The following MCCC2 variants were observed in gnomAD, a reference collection of about 807,000 sequenced individuals.
MCCC2 encodes the protein methylcrotonoyl-CoA carboxylase beta chain, mitochondrial.
MCCC2 carries 52 observed loss-of-function variants against 77.2 expected under a neutral mutation model. The ratio of observed to expected loss-of-function variants is 0.67; its 90% CI spans 0.54 to 0.85. MCCC2 has a LOEUF of 0.85. MCCC2 is among the 40% of genes least tolerant of loss of function. The pLI, the probability that MCCC2 is intolerant of heterozygous loss-of-function variation, is 0.00. For synonymous variants in MCCC2, 253 were observed against 248.4 expected (o/e 1.02, Z -0.18); for missense variants, 682 against 703.2 (o/e 0.97, Z 0.34).
Position 71,643,834 on chromosome 5 carries a change from T to C in MCCC2, c.1088T>C (p.Phe363Ser), listed in dbSNP as rs915555207. Residue 363 changes from phenylalanine (F) to serine (S), a missense_variant, in exon 12 of 17, where the codon TTT becomes TCT. By Grantham distance (155) the Phe-to-Ser change is radical. Transcript: ENST00000340941. The part of the protein sequence containing the change: ...DTLVTGFARI[F>S]GYPVGIVGNN... ...TTCTTTTGAGGATTTGCTCGAATATTTGGGTACCCAGTAGGTATCGTTGGA... is the reference window on the plus strand; with the variant it reads ...TTCTTTTGAGGATTTGCTCGAATATCTGGGTACCCAGTAGGTATCGTTGGA... 2 of 1,614,178 alleles carry C rather than the reference T, an allele frequency of 1.2e-6. No individual in the cohort carries two copies. The highest frequency in any genetic ancestry group is 2.2e-5 in the South Asian group (2 of 91,084).
chr5:71,596,231 C>A, intron 2 of MCCC2, 49 bp from the exon 3 acceptor site: 2 of 1,514,984 alleles, frequency 1.3e-6, no homozygotes, highest in Non-Finnish European at 1.8e-6. Context: ...GGCATTGAGA[C>A]CTTTTTATCG....
chr5:71,652,733 A>G lies in MCCC2; in HGVS notation c.1553A>G (p.Asn518Ser), dbSNP rs1747471598. 6.2e-7 allele frequency: 1 copy of G among 1,614,080 alleles called. No individual in the cohort carries two copies. The highest frequency in any genetic ancestry group is 8.5e-7 in the Non-Finnish European group (1 of 1,179,996). ...ATTAAGAAGTTTGAAGAGGAAGGAA[A>G]CCCTTACTATTCCAGCGCAAGGTGG... Reference protein sequence around the residue: ...PIIKKFEEEGNPYYSSARVWD... With the variant: ...PIIKKFEEEGSPYYSSARVWD... The change falls in exon 16 of 17, where the codon AAC becomes AGC. Residue 518 changes from asparagine (N) to serine (S), a missense_variant. Transcript: ENST00000340941.
intron 8 of MCCC2, among the ~76,000 whole-genome samples, chr5:71,634,700 G>C (rs564303941): frequency 6.6e-6 from 1 of 152,142 alleles, no homozygotes; most frequent in African/African-American, 2.4e-5. Context: ...TGTGGTCTTA[G>C]GTGAAGGTAC....
At chr5:71,594,459 C>T (rs973097408) in intron 2 of MCCC2, among the ~76,000 whole-genome samples, 14 of 146,904 alleles carry the variant, frequency 9.5e-5, no homozygotes, top group African/African-American at 3.0e-4. Context: ...ACCTGGGAGG[C>T]GGAGGTTGCA....
Position 71,599,695 on chromosome 5 carries a change from C to T in MCCC2, c.318C>T (p.Tyr106=). 6.2e-7 allele frequency: 1 copy of T among 1,614,084 alleles called. No homozygotes were observed. The highest frequency in any genetic ancestry group is 8.5e-7 in the Non-Finnish European group (1 of 1,180,000). ...TGGAATTATCCCAGTTTGCAGGTTA[C>T]CAGTTATATGACAATGAGGAGGTGC... is the stretch of plus-strand genomic sequence containing the variant. ...PFLELSQFAG[Y]QLYDNEEVPG... Residue 106 remains tyrosine (Y), a synonymous_variant, in exon 4 of 17, where the codon TAC becomes TAT. Coordinates refer to ENST00000340941, the MANE Select transcript of MCCC2 (RefSeq NM_022132.5).
chr5:71,612,711 C>T (rs902484008), intron 6 of MCCC2, among the ~76,000 whole-genome samples: 2 of 152,158 alleles, frequency 1.3e-5, no homozygotes, highest in Admixed American at 6.5e-5. Flanking sequence ...GCTGTTGTAA[C>T]AAATTATCAC....
intron 13 of MCCC2, among the ~76,000 whole-genome samples, chr5:71,648,312 C>T (rs975373194): frequency 6.6e-6 from 1 of 152,104 alleles, no homozygotes; most frequent in Non-Finnish European, 1.5e-5. Flanking sequence ...AAGCCCAACT[C>T]AGTGTTATAA....
intron 10 of MCCC2, among the ~76,000 whole-genome samples, chr5:71,639,945 A>G (rs904861036): frequency 2.0e-5 from 3 of 152,224 alleles, no homozygotes; most frequent in Non-Finnish European, 4.4e-5. Flanking sequence ...TTTGCATCAT[A>G]CAAAACAAGA....
rs757899172 is a variant in MCCC2, at chr5:71,599,787, T to G, written c.383+27T>G. 7 of 1,583,658 alleles carry G rather than the reference T, an allele frequency of 4.4e-6. No homozygotes were observed. The African/African-American group carries it at 9.4e-5, about 21-fold the overall frequency. ...TGAGTATTCTACTTGTGCTTCATAA[T>G]GTGGGTTGAGAAGAAGACTTTGATG... On this transcript the variant is annotated intron_variant, in intron 4 of 16. Coordinates refer to ENST00000340941, the MANE Select transcript of MCCC2 (RefSeq NM_022132.5).
Position 71,593,012 on chromosome 5 carries a change from C to T in MCCC2, c.196+20C>T, listed in dbSNP as rs766988420. On this transcript the variant is annotated intron_variant, in intron 2 of 16. Coordinates refer to ENST00000340941, the MANE Select transcript of MCCC2 (RefSeq NM_022132.5). ...AACTAGGTAAACACAGCATTTATTC[C>T]ACAGCTTATGCCTTTACTTAAGATG... 1.3e-5 allele frequency: 20 copies of T among 1,586,754 alleles called. 1 individual carries two copies. The East Asian group carries it at 2.7e-4, about 21-fold the overall frequency.
At chr5:71,608,998 A>G (rs1488065353) in intron 6 of MCCC2, among the ~76,000 whole-genome samples, 1 of 151,932 alleles carries the variant, frequency 6.6e-6, no homozygotes, top group African/African-American at 2.4e-5. Flanking sequence ...GCTGCCCTTA[A>G]CATTTTTTCC....
intron 5 of MCCC2, 139 bp from the exon 6 acceptor site, chr5:71,604,217 G>A: frequency 2.8e-6 from 2 of 725,512 alleles, no homozygotes; most frequent in Non-Finnish European, 4.9e-6. Flanking sequence ...GGAGAACGAG[G>A]CTCTATAACA....
chr5:71,622,352 A>G (rs972454269), intron 6 of MCCC2, among the ~76,000 whole-genome samples: 5 of 151,986 alleles, frequency 3.3e-5, no homozygotes, highest in Non-Finnish European at 5.9e-5. Flanking sequence ...AATAAAAACA[A>G]GATTTTGCCT....
At chr5:71,605,430 T>C (rs1228366613) in intron 6 of MCCC2, among the ~76,000 whole-genome samples, 2 of 152,066 alleles carry the variant, frequency 1.3e-5, no homozygotes, top group Admixed American at 6.6e-5. Flanking sequence ...GATGGGGTTG[T>C]TTGTTTTTTT....
chr5:71,650,053 C>T lies in MCCC2; in HGVS notation c.1374-16C>T. ...ATATTGACTTAATTTGTTTATTCTT[C>T]CTTTTCTTCCCCCAGCCCAAGATTT... On this transcript the variant is annotated splice_polypyrimidine_tract_variant and intron_variant, in intron 14 of 16. Coordinates refer to ENST00000340941, the MANE Select transcript of MCCC2 (RefSeq NM_022132.5). 6 of 1,595,966 alleles carry T rather than the reference C, an allele frequency of 3.8e-6. No homozygotes were observed. The highest frequency in any genetic ancestry group is 5.2e-6 in the Non-Finnish European group (6 of 1,163,522).
At chr5:71,621,977 C>T (rs1245507853) in intron 6 of MCCC2, among the ~76,000 whole-genome samples, 2 of 152,090 alleles carry the variant, frequency 1.3e-5, no homozygotes, top group Non-Finnish European at 2.9e-5. Context: ...TCTCACATTG[C>T]ATGCCTGTAT....
At chr5:71,646,429 C>T (rs1747276881) in intron 13 of MCCC2, 152 bp downstream of exon 13, 2 of 678,688 alleles carry the variant, frequency 2.9e-6, no homozygotes, top group Admixed American at 2.5e-5. Context: ...TAAGAGTTAG[C>T]ACTTTTCTTC....
rs1030649727 is a variant in MCCC2, at chr5:71,593,055, C to A, written c.196+63C>A. On this transcript the variant is annotated intron_variant, in intron 2 of 16. Transcript: ENST00000340941. ...TTAAGATGTCCTAAAATAGTTATTG[C>A]TTTTAGGAAAAATACTGGAATTAAG... 5 of 1,325,014 alleles carry A rather than the reference C, an allele frequency of 3.8e-6. No individual in the cohort carries two copies. The African/African-American group carries it at 4.4e-5, about 12-fold the overall frequency. 82.1% of individuals were successfully genotyped at this position (1,325,014 alleles called of 1,614,324 possible).
At chr5:71,621,956 T>A (rs1746364436) in intron 6 of MCCC2, among the ~76,000 whole-genome samples, 1 of 152,206 alleles carries the variant, frequency 6.6e-6, no homozygotes, top group African/African-American at 2.4e-5. Context: ...CCATTCTTCA[T>A]GATGTGCTTA....
Sources: gnomAD v4.1 joint callset for allele counts (sites outside exome capture counted in the v4.1 genomes callset) on GRCh38, gnomAD v4.1.1 for gene constraint, MANE v1.5 for transcripts, NCBI Gene and HGNC (gene_info 2026-07-23, HGNC 2026-07-21) for gene names.